NID1: variants seen among roughly 807,000 people sequenced by gnomAD.
The protein encoded by NID1 is nidogen-1.
In NID1, 76 loss-of-function variants were observed where a neutral mutation model predicts 130.6. The observed-to-expected ratio is 0.58, with a 90% CI of 0.48 to 0.70. The LOEUF is 0.70. Among genes scored for constraint, NID1 ranks in the 30% least tolerant of loss-of-function variants. The probability of loss-of-function intolerance (pLI) is 0.00; values close to 1 mark genes in which losing one functional copy is unlikely to be tolerated. For missense variants in NID1, 1,517 were observed against 1,664.8 expected, an observed-to-expected ratio of 0.91 and a Z score of 1.54; for synonymous variants, 665 against 675.1, an observed-to-expected ratio of 0.98 and a Z score of 0.23.
chr1:236,055,510 G>T (rs978727215), intron 1 of NID1, among the ~76,000 whole-genome samples: 1 of 151,814 alleles, frequency 6.6e-6, no homozygotes, highest in African/African-American at 2.4e-5. Context: ...TAACAGGTCT[G>T]GTGCAGTGGC....
intron 9 of NID1, 75 bp from the exon 10 acceptor site, chr1:236,017,348 C>A: frequency 6.7e-7 from 1 of 1,484,808 alleles, no homozygotes; most frequent in Non-Finnish European, 9.3e-7. Context: ...AATAAAATAG[C>A]ATTGTCACCT....
intron 1 of NID1, among the ~76,000 whole-genome samples, chr1:236,062,769 G>A (rs914263722): frequency 9.9e-5 from 15 of 152,084 alleles, no homozygotes; most frequent in African/African-American, 3.1e-4. Context: ...TGCTGCATGT[G>A]TCTCAGAATA....
At chr1:236,052,793 T>A (rs752477402) in intron 1 of NID1, among the ~76,000 whole-genome samples, 10 of 152,148 alleles carry the variant, frequency 6.6e-5, no homozygotes, top group Admixed American at 1.3e-4. Context: ...AGCCCCCTTG[T>A]GATAGGACAG....
At chr1:236,039,373 C>G (rs1659378103) in intron 4 of NID1, among the ~76,000 whole-genome samples, 2 of 151,538 alleles carry the variant, frequency 1.3e-5, no homozygotes, top group African/African-American at 4.9e-5. Context: ...GCCATTGTGC[C>G]TGGCTTATAT....
chr1:236,041,793 G>C, intron 4 of NID1, 117 bp downstream of exon 4: 1 of 1,332,364 alleles, frequency 7.5e-7, no homozygotes, highest in Non-Finnish European at 1.0e-6. Context: ...ACTTTCCCAA[G>C]CTCTTATCTT....
chr1:236,051,635 C>T (rs113413313), intron 1 of NID1, among the ~76,000 whole-genome samples: 335 of 152,320 alleles, frequency 2.2e-3, no homozygotes, highest in African/African-American at 7.7e-3. Flanking sequence ...TTCTTCCAGC[C>T]GGTCCCTCTG....
At position 235,977,788 on chromosome 1, in the gene NID1, A is replaced by G; in HGVS notation, c.*79T>C. On this transcript the variant is annotated 3_prime_UTR_variant, in exon 20 of 20. Coordinates refer to ENST00000264187, the MANE Select transcript of NID1 (RefSeq NM_002508.3). ...CCTAGTGGCCACTCAGCCAGAGGACACTTTTCAATCTGGACCAAGTTGCTT... is the reference window on the plus strand; with the variant it reads ...CCTAGTGGCCACTCAGCCAGAGGACGCTTTTCAATCTGGACCAAGTTGCTT... The G allele has an allele frequency of 6.5e-7, 1 of 1,543,406 alleles. No individual in the cohort carries two copies. The highest frequency in any genetic ancestry group is 1.8e-4 in the Middle Eastern group (1 of 5,686).
chr1:236,060,318 A>G (rs544902180), intron 1 of NID1, among the ~76,000 whole-genome samples: 1 of 152,256 alleles, frequency 6.6e-6, no homozygotes, highest in East Asian at 1.9e-4. Context: ...GAGGATGACC[A>G]GAGGTCACTC....
chr1:235,978,582 CTAAG>C (rs991392129), intron 19 of NID1, among the ~76,000 whole-genome samples: 28 of 152,194 alleles, frequency 1.8e-4, no homozygotes, highest in African/African-American at 6.8e-4. Flanking sequence ...ATTTAGAACT[CTAAG>C]TGAGTTGATA....
chr1:235,992,143 T>A (rs975846241), intron 13 of NID1, among the ~76,000 whole-genome samples: 4 of 152,200 alleles, frequency 2.6e-5, no homozygotes, highest in African/African-American at 9.7e-5. Context: ...ACTCACTCGC[T>A]GTGTGCACAG....
At chr1:235,981,151 G>T (rs2102791760) in intron 16 of NID1, among the ~76,000 whole-genome samples, 1 of 152,310 alleles carries the variant, frequency 6.6e-6, no homozygotes, top group South Asian at 2.1e-4. Flanking sequence ...CTAAGAGCCT[G>T]TTGTGTAAGA....
chr1:236,021,755 T>C (rs1055930740), intron 9 of NID1, among the ~76,000 whole-genome samples: 14 of 152,222 alleles, frequency 9.2e-5, no homozygotes, highest in African/African-American at 2.4e-5. Flanking sequence ...CTCTCACTAA[T>C]TGCAGACTTA....
Position 235,990,948 on chromosome 1 carries a change from G to A in NID1, c.2866C>T (p.Arg956Cys), listed in dbSNP as rs369274245. ...ATGGTATTTCCCTCCAGGGGCAGGC[G>A]CTCAATCTTCCCAGTCTGGGCAAAG... ...LLFAQTGKIERLPLEGNTMRK... is the reference protein window; with the variant it reads ...LLFAQTGKIECLPLEGNTMRK... The change falls in exon 14 of 20, where the codon CGC becomes TGC. Residue 956 changes from arginine to cysteine, a missense_variant. Physicochemically the swap from Arg to Cys is radical, Grantham distance 180. This residue lies in a region of NID1 where 1,329 missense variants were observed against 1,429.2 expected (regional missense o/e 0.93). Transcript: ENST00000264187. The A allele has an allele frequency of 1.7e-5, 28 of 1,613,992 alleles. No homozygotes were observed. The East Asian group carries it at 2.2e-4, about 13-fold the overall frequency.
At chr1:236,019,370 C>A (rs938381979) in intron 9 of NID1, among the ~76,000 whole-genome samples, 1 of 152,256 alleles carries the variant, frequency 6.6e-6, no homozygotes, top group Non-Finnish European at 1.5e-5. Context: ...GTGACTTAGA[C>A]TGCATTGCCA....
chr1:236,017,552 A>C (rs771622685), intron 9 of NID1, among the ~76,000 whole-genome samples: 1 of 141,588 alleles, frequency 7.1e-6, no homozygotes, highest in Non-Finnish European at 1.6e-5. Flanking sequence ...CGCCTGGCCA[A>C]TTTTTGTATT....
chr1:236,059,853 G>A (rs1034886037), intron 1 of NID1, among the ~76,000 whole-genome samples: 2 of 152,218 alleles, frequency 1.3e-5, no homozygotes, highest in Admixed American at 6.5e-5. Flanking sequence ...TGTAATCCCA[G>A]CACTTTGGGA....
chr1:236,030,655 A>G (rs1659071309), intron 6 of NID1, among the ~76,000 whole-genome samples: 1 of 152,246 alleles, frequency 6.6e-6, no homozygotes, highest in Non-Finnish European at 1.5e-5. Context: ...GCCTAAAATA[A>G]TTAGGCATAG....
At chr1:235,994,907 C>T (rs1414670593) in intron 12 of NID1, among the ~76,000 whole-genome samples, 4 of 152,084 alleles carry the variant, frequency 2.6e-5, no homozygotes, top group Non-Finnish European at 4.4e-5. Flanking sequence ...ATGTTGGCCA[C>T]GCTAGCATCT....
rs1355781976 is a variant in NID1 at position 235,977,697 on chromosome 1, C to A, written c.*170G>T. 4.5e-6 allele frequency: 3 copies of A among 665,180 alleles called. No individual in the cohort carries two copies. Among genetic ancestry groups the A allele is most frequent in the East Asian group, 5.4e-5 (2 of 36,778 alleles). The allele number at this position is 665,180 out of a possible 1,614,324, so 41.2% of individuals were successfully genotyped here. On this transcript the variant is annotated 3_prime_UTR_variant, in exon 20 of 20. Transcript: ENST00000264187. Reference sequence around the variant, plus strand: ...TGGAGACTTTTCTATTAGAGAAGTCCAGGGTGCATGTTTTGGGGAACAGTG... The same window carrying A: ...TGGAGACTTTTCTATTAGAGAAGTCAAGGGTGCATGTTTTGGGGAACAGTG...
Sources: gnomAD v4.1 joint callset for allele counts (sites outside exome capture counted in the v4.1 genomes callset) on GRCh38, gnomAD v4.1.1 for gene constraint, gnomAD v4.1.1 regional missense constraint, MANE v1.5 for transcripts, NCBI Gene and HGNC (gene_info 2026-07-23, HGNC 2026-07-21) for gene names.